EFCAB6: variants seen among roughly 807,000 people sequenced by gnomAD.
EFCAB6 encodes the protein EF-hand calcium binding domain 6, also known as EF-hand calcium-binding domain-containing protein 6.
In EFCAB6, 156 loss-of-function variants were observed where a neutral mutation model predicts 169.8. The observed-to-expected ratio is 0.92, with a 90% CI of 0.81 to 1.05. The LOEUF (loss-of-function observed/expected upper bound fraction) is 1.05, where lower values mean the gene tolerates loss of function less well. Ranked by LOEUF, EFCAB6 falls within the 50% of genes least tolerant of loss-of-function variation. The probability of loss-of-function intolerance (pLI) is 0.00; values close to 1 mark genes in which losing one functional copy is unlikely to be tolerated. For missense variants in EFCAB6, 1,800 were observed against 1,829.1 expected (o/e 0.98, Z 0.29); for synonymous variants, 698 against 676.4 (o/e 1.03, Z -0.50).
rs560389547 is a variant in EFCAB6, at chr22:43,578,006, A to G, written c.3229-1518T>C. ...TTCTTCAAAAGTCATGACACTAACTAAGGTCGATCCTCAGAAGAAGTCATG... is the reference window on the plus strand; with the variant it reads ...TTCTTCAAAAGTCATGACACTAACTGAGGTCGATCCTCAGAAGAAGTCATG... On this transcript the variant is annotated intron_variant, in intron 25 of 31. Transcript: ENST00000262726. Among the ~76,000 whole-genome samples, 4 of 152,306 alleles carry G rather than the reference A, an allele frequency of 2.6e-5. No homozygotes were observed. In the South Asian group the frequency reaches 8.3e-4, roughly 32 times the overall value.
intron 28 of EFCAB6, 116 bp downstream of exon 28, chr22:43,540,011 C>A (rs2047603840): frequency 8.7e-7 from 1 of 1,148,712 alleles, no homozygotes; most frequent in South Asian, 1.5e-5. Flanking sequence ...CCCAGACTCA[C>A]CCGTCTTCTC....
intron 6 of EFCAB6, among the ~76,000 whole-genome samples, chr22:43,750,255 C>A (rs1245882817): frequency 6.6e-6 from 1 of 152,074 alleles, no homozygotes; most frequent in Non-Finnish European, 1.5e-5. Context: ...GAAGTATTCT[C>A]AATATAATTT....
At chr22:43,577,960 A>T (rs2050370960) in intron 25 of EFCAB6, among the ~76,000 whole-genome samples, 1 of 152,132 alleles carries the variant, frequency 6.6e-6, no homozygotes, top group African/African-American at 2.4e-5. Context: ...CTGATACCCT[A>T]AAAGGGTCAC....
intron 22 of EFCAB6, among the ~76,000 whole-genome samples, chr22:43,607,799 T>C (rs530910090): frequency 7.4e-4 from 113 of 152,266 alleles, no homozygotes; most frequent in Non-Finnish European, 1.4e-3. Flanking sequence ...GGACATATAA[T>C]GAAGAAGGAG....
intron 19 of EFCAB6, among the ~76,000 whole-genome samples, chr22:43,630,665 T>G (rs961931786): frequency 2.0e-5 from 3 of 152,202 alleles, no homozygotes. Flanking sequence ...GGGAGTCTGC[T>G]CCTGGAGCCT....
At chr22:43,597,025 T>C (rs2052068745) in intron 23 of EFCAB6, among the ~76,000 whole-genome samples, 1 of 152,108 alleles carries the variant, frequency 6.6e-6, no homozygotes, top group Non-Finnish European at 1.5e-5. Context: ...TAATAAATGG[T>C]GCTGGGAAAA....
At chr22:43,701,353 C>T (rs901368812) in intron 10 of EFCAB6, among the ~76,000 whole-genome samples, 7 of 152,114 alleles carry the variant, frequency 4.6e-5, no homozygotes, top group South Asian at 2.1e-4. Context: ...AGTCATAAGT[C>T]CTCAACAATC....
intron 26 of EFCAB6, among the ~76,000 whole-genome samples, chr22:43,565,035 C>G (rs1463238575): frequency 6.6e-6 from 1 of 152,152 alleles, no homozygotes. Context: ...TGTGGCAGCT[C>G]CCACTACAGA....
chr22:43,625,960 G>C (rs1419829455), intron 20 of EFCAB6, among the ~76,000 whole-genome samples: 1 of 152,176 alleles, frequency 6.6e-6, no homozygotes, highest in African/African-American at 2.4e-5. Context: ...GTGCTCACAG[G>C]TCTCCCAAGC....
At chr22:43,735,733 A>G in intron 7 of EFCAB6, 124 bp downstream of exon 7, 1 of 1,139,772 alleles carries the variant, frequency 8.8e-7, no homozygotes, top group African/African-American at 1.6e-5. Flanking sequence ...TTTGAGAAAT[A>G]AGGTGTGTGT....
intron 10 of EFCAB6, among the ~76,000 whole-genome samples, chr22:43,711,116 A>C (rs1197601573): frequency 6.6e-6 from 1 of 150,534 alleles, no homozygotes; most frequent in Non-Finnish European, 1.5e-5. Flanking sequence ...ATATTTATTA[A>C]TATGATTGAT....
At chr22:43,797,206 T>C (rs2062542831) in intron 2 of EFCAB6, 1 of 152,662 alleles carries the variant, frequency 6.6e-6, no homozygotes, top group Non-Finnish European at 1.5e-5. Flanking sequence ...AAAAGCTGTA[T>C]CAGTGAGCAC....
At chr22:43,672,598 A>C (rs1179318396) in intron 13 of EFCAB6, among the ~76,000 whole-genome samples, 1 of 152,228 alleles carries the variant, frequency 6.6e-6, no homozygotes, top group Non-Finnish European at 1.5e-5. Flanking sequence ...AGAAAACCAA[A>C]TACCACAGGT....
chr22:43,704,547 C>G (rs2058884346), intron 10 of EFCAB6, among the ~76,000 whole-genome samples: 1 of 152,028 alleles, frequency 6.6e-6, no homozygotes, highest in Admixed American at 6.6e-5. Context: ...AAAGACAGAA[C>G]TATTAATAAC....
intron 10 of EFCAB6, among the ~76,000 whole-genome samples, chr22:43,700,255 G>A (rs1365846477): frequency 6.6e-6 from 1 of 151,950 alleles, no homozygotes; most frequent in Non-Finnish European, 1.5e-5. Flanking sequence ...AGCTGTTAGG[G>A]TTTAAAATTT....
chr22:43,633,082 T>C (rs1222987538), intron 18 of EFCAB6, among the ~76,000 whole-genome samples: 4 of 152,198 alleles, frequency 2.6e-5, no homozygotes, highest in Non-Finnish European at 5.9e-5. Context: ...TATCATCCCA[T>C]GCACTTTACC....
At chr22:43,696,316 G>A (rs9614264) in intron 10 of EFCAB6, among the ~76,000 whole-genome samples, 69,043 of 151,898 alleles carry the variant, frequency 0.45, 16,032 homozygotes, top group African/African-American at 0.5. Context: ...TGGTGAGAAT[G>A]TGCCACATCT....
rs192646669 is a variant in EFCAB6 at position 43,642,142 on chromosome 22, T to C, written c.1984-6926A>G. Among the ~76,000 whole-genome samples, 533 of 152,168 alleles carry C rather than the reference T, an allele frequency of 3.5e-3. 3 individuals carry two copies. The highest frequency in any genetic ancestry group is 0.012 in the African/African-American group (514 of 41,526). On this transcript the variant is annotated intron_variant, in intron 17 of 31. Coordinates refer to ENST00000262726, the MANE Select transcript of EFCAB6 (RefSeq NM_022785.4). Reference sequence around the variant, plus strand: ...TTTTAGTAGAGATGGAGTTTCTCCATGTTGGTCAGGCTGGTCTCAAACTCC... The same window carrying C: ...TTTTAGTAGAGATGGAGTTTCTCCACGTTGGTCAGGCTGGTCTCAAACTCC...
intron 10 of EFCAB6, 105 bp from the exon 11 acceptor site, chr22:43,687,686 T>TA: frequency 1.7e-6 from 1 of 586,304 alleles, no homozygotes; most frequent in Non-Finnish European, 2.9e-6. Context: ...GCAATGCATT[T>TA]ATATGAAGTT....
Sources: allele counts gnomAD v4.1 joint callset (sites outside exome capture counted in the v4.1 genomes callset), GRCh38; gene constraint gnomAD v4.1.1; transcripts MANE v1.5; gene names NCBI Gene and HGNC (gene_info 2026-07-23, HGNC 2026-07-21).